RP1: variants seen among roughly 807,000 people sequenced by gnomAD.
RP1 encodes oxygen-regulated protein 1.
RP1 carries 16 observed loss-of-function variants against 14.8 expected under a neutral mutation model. The ratio of observed to expected loss-of-function variants is 1.08; its 90% confidence interval spans 0.73 to 1.65. RP1 has a LOEUF of 1.65. Ranked by LOEUF, RP1 falls within the 40% of genes most tolerant of loss-of-function variation. RP1 has a pLI of 0.00. For missense variants in RP1, 2,631 were observed against 2,535.0 expected, an observed-to-expected ratio of 1.04 and a Z score of -0.81; for synonymous variants, 876 against 883.6, an observed-to-expected ratio of 0.99 and a Z score of 0.15.
intron 1 of RP1, among the ~76,000 whole-genome samples, chr8:54,595,879 A>G (rs1378943123): frequency 6.6e-6 from 1 of 152,226 alleles, no homozygotes; most frequent in Non-Finnish European, 1.5e-5. Context: ...GACTTGCTAC[A>G]GAAGAGGTGA....
chr8:54,846,085 C>G (rs1268525707), intron 25 of RP1, among the ~76,000 whole-genome samples: 1 of 152,130 alleles, frequency 6.6e-6, no homozygotes, highest in Non-Finnish European at 1.5e-5. Flanking sequence ...CTTGTGTAAT[C>G]AGAAATGGGC....
upstream of RP1, among the ~76,000 whole-genome samples, chr8:54,611,571 T>C (rs1455214200): frequency 6.6e-6 from 1 of 152,182 alleles, no homozygotes; most frequent in Non-Finnish European, 1.5e-5. Flanking sequence ...TCTAATAATA[T>C]TCTTATTTTG....
intron 1 of RP1, among the ~76,000 whole-genome samples, chr8:54,576,115 A>C (rs1240708887): frequency 5.4e-5 from 8 of 148,242 alleles, no homozygotes; most frequent in Admixed American, 2.1e-4. Flanking sequence ...ATCTCGGCTC[A>C]CTGCAAGCTC....
intron 7 of RP1, among the ~76,000 whole-genome samples, chr8:54,673,557 T>G (rs555587009): frequency 6.6e-6 from 1 of 152,048 alleles, no homozygotes; most frequent in Non-Finnish European, 1.5e-5. Flanking sequence ...CTGGGCAACA[T>G]AGCCAAACCT....
chr8:54,691,538 C>T (rs148396890), intron 12 of RP1, among the ~76,000 whole-genome samples: 26 of 151,966 alleles, frequency 1.7e-4, no homozygotes, highest in African/African-American at 5.5e-4. Flanking sequence ...TGATGCTGAG[C>T]GAGAGATGAG....
intron 7 of RP1, among the ~76,000 whole-genome samples, chr8:54,668,417 G>A (rs1807066881): frequency 6.6e-6 from 1 of 152,124 alleles, no homozygotes; most frequent in African/African-American, 2.4e-5. Context: ...TTATGGATAG[G>A]AAGAATCAAT....
chr8:54,841,867 C>T (rs2053856807), intron 25 of RP1, among the ~76,000 whole-genome samples: 1 of 152,090 alleles, frequency 6.6e-6, no homozygotes, highest in Admixed American at 6.5e-5. Flanking sequence ...GGTTCGAGGC[C>T]ACATCTATGG....
At position 54,843,758 on chromosome 8, in the gene RP1, C is replaced by T. The variant is rs114151958; in HGVS notation, c.3835+6089C>T. Among the ~76,000 whole-genome samples the T allele has an allele frequency of 8.5e-3, 1,295 of 152,252 alleles. 15 individuals carry two copies. Among genetic ancestry groups the T allele is most frequent in the African/African-American group, 0.028 (1,177 of 41,564 alleles). ...CCCTTGTTCCCACCCTTGCTCCAGT[C>T]CTGCAGGGGCTGGTAGCCATCCCTG... On this transcript the variant is annotated intron_variant, in intron 25 of 28. Coordinates refer to the RP1 transcript ENST00000637698.
chr8:54,627,103 T>A lies in RP1; in HGVS notation c.3221T>A (p.Ile1074Lys). The A allele has an allele frequency of 1.2e-6, 2 of 1,614,084 alleles. No individual in the cohort carries two copies. The highest frequency in any genetic ancestry group is 1.7e-6 in the Non-Finnish European group (2 of 1,179,974). Reference protein sequence around the residue: ...SVEAAIQVDPIEEETPKDLLP... With the variant: ...SVEAAIQVDPKEEETPKDLLP... ...GAGGCTGCCATTCAAGTAGATCCTA[T>A]AGAAGAGGAAACTCCAAAAGACCTC... is the stretch of plus-strand genomic sequence containing the variant. The change falls in exon 4 of 4, where the codon ATA (isoleucine) becomes AAA (lysine). Residue 1074 changes from isoleucine (I) to lysine (K), a missense_variant. Physicochemically the swap from Ile to Lys is moderately radical, Grantham distance 102. Transcript: ENST00000220676.
intron 1 of RP1, among the ~76,000 whole-genome samples, chr8:54,586,013 C>T (rs112526485): frequency 9.8e-4 from 150 of 152,336 alleles, no homozygotes; most frequent in African/African-American, 3.4e-3. Flanking sequence ...AGTCATTCTC[C>T]GTCCAGCTTT....
chr8:54,587,122 C>A (rs572071382), intron 1 of RP1, among the ~76,000 whole-genome samples: 8 of 152,328 alleles, frequency 5.3e-5, no homozygotes, highest in African/African-American at 1.9e-4. Flanking sequence ...TGTTCCTATT[C>A]GGCCATCTTG....
intron 12 of RP1, among the ~76,000 whole-genome samples, chr8:54,688,262 G>T (rs1807616229): frequency 6.6e-6 from 1 of 151,878 alleles, no homozygotes; most frequent in African/African-American, 2.4e-5. Flanking sequence ...TTCTGTAGGT[G>T]GCCTGTTCAC....
At chr8:54,772,809 G>GTAT (rs1809941935), downstream of RP1, among the ~76,000 whole-genome samples, 1 of 152,102 alleles carries the variant, frequency 6.6e-6, no homozygotes, top group Non-Finnish European at 1.5e-5. Context: ...GTGTGAGAGA[G>GTAT]TATTTATCTT....
At chr8:54,569,431 T>C (rs1027459490) in intron 1 of RP1, among the ~76,000 whole-genome samples, 18 of 152,218 alleles carry the variant, frequency 1.2e-4, no homozygotes, top group Non-Finnish European at 1.5e-5. Flanking sequence ...TGTAGATCTA[T>C]GTACGGGGAA....
At chr8:54,622,830 A>C (rs1805919111) in intron 3 of RP1, among the ~76,000 whole-genome samples, 1 of 152,214 alleles carries the variant, frequency 6.6e-6, no homozygotes, top group African/African-American at 2.4e-5. Context: ...TAGGTTGATA[A>C]TTCTGTAGGA....
chr8:54,666,705 C>G (rs1361429951), intron 7 of RP1, among the ~76,000 whole-genome samples: 1 of 151,942 alleles, frequency 6.6e-6, no homozygotes. Context: ...GGATTGTGTG[C>G]AGTCAGACCT....
intron 24 of RP1, among the ~76,000 whole-genome samples, chr8:54,787,502 G>A (rs1480596118): frequency 6.6e-6 from 1 of 151,942 alleles, no homozygotes; most frequent in South Asian, 2.1e-4. Context: ...TCACTCTGAG[G>A]GAATCATAAA....
chr8:54,654,829 T>C (rs1319285705), intron 5 of RP1, among the ~76,000 whole-genome samples: 1 of 152,130 alleles, frequency 6.6e-6, no homozygotes, highest in Non-Finnish European at 1.5e-5. Flanking sequence ...TTATTTTTTG[T>C]AGAGACAGGG....
At chr8:54,633,825 T>C (rs1806298670), downstream of RP1, among the ~76,000 whole-genome samples, 1 of 151,284 alleles carries the variant, frequency 6.6e-6, no homozygotes, top group Non-Finnish European at 1.5e-5. Context: ...ACAAACAGTT[T>C]GAGCCCCTGC....
Sources: gnomAD v4.1 joint callset for allele counts (sites outside exome capture counted in the v4.1 genomes callset) on GRCh38, gnomAD v4.1.1 for gene constraint, MANE v1.5 for transcripts, NCBI Gene and HGNC (gene_info 2026-07-23, HGNC 2026-07-21) for gene names.